Variants in ITGB6 observed in about 807,000 individuals in gnomAD.
ITGB6 encodes integrin beta-6.
In ITGB6, 80 loss-of-function variants were observed where a neutral mutation model predicts 84.5. That is an observed-to-expected ratio of 0.95 (90% confidence interval 0.79 to 1.14). ITGB6 has a LOEUF of 1.14. Among genes scored for constraint, ITGB6 ranks in the 50% most tolerant of loss-of-function variants. The probability of loss-of-function intolerance (pLI) is 0.00; values close to 1 mark genes in which losing one functional copy is unlikely to be tolerated. For missense variants in ITGB6, 1,006 were observed against 968.0 expected (o/e 1.04, Z -0.52); for synonymous variants, 383 against 354.9 (o/e 1.08, Z -0.89).
At position 160,101,760 on chromosome 2, in the gene ITGB6, C is replaced by G. The variant is rs950865306; in HGVS notation, c.2343G>C (p.Lys781Asn). The G allele has an allele frequency of 3.1e-6, 5 of 1,590,054 alleles. No individual in the cohort carries two copies. The highest frequency in any genetic ancestry group is 4.3e-6 in the Non-Finnish European group (5 of 1,158,650). ...TCTAGCAATCTGTGGAAAGGTCTAC[C>G]TTTTGTTTTTCCCTGTGTTTATAAG... ...NVTYKHREKQ[K>N]VDLSTDC The change falls in exon 15 of 15, where the codon AAG (lysine) becomes AAC (asparagine). Residue 781 changes from lysine (K) to asparagine (N), a missense_variant. Coordinates refer to ENST00000283249, the MANE Select transcript of ITGB6 (RefSeq NM_000888.5).
chr2:160,173,806 C>A (rs1041440420), intron 5 of ITGB6, among the ~76,000 whole-genome samples, 168 bp downstream of exon 5: 1 of 152,012 alleles, frequency 6.6e-6, no homozygotes, highest in South Asian at 2.1e-4. Flanking sequence ...CCCATTTCAA[C>A]ATGATTTAAT....
At position 160,137,473 on chromosome 2, in the gene ITGB6, T is replaced by G. The variant is rs1418523966; in HGVS notation, c.1621A>C (p.Asn541His). The G allele has an allele frequency of 1.9e-6, 3 of 1,613,276 alleles. No homozygotes were observed. The East Asian group carries it at 6.7e-5, about 36-fold the overall frequency. ...CCTTTGTGTCTCACGCAGGAGAAATTGTCACACTGGCAATAAGGCCCATAA... is the reference window on the plus strand; with the variant it reads ...CCTTTGTGTCTCACGCAGGAGAAATGGTCACACTGGCAATAAGGCCCATAA... ...NIYGPYCQCD[N>H]FSCVRHKGLL... is the part of the protein sequence containing the mutation. Residue 541 changes from asparagine to histidine, a missense_variant, in exon 10 of 15, where the codon AAT becomes CAT. Transcript: ENST00000283249.
At chr2:160,152,420 A>T (rs1684462467) in intron 7 of ITGB6, among the ~76,000 whole-genome samples, 1 of 152,230 alleles carries the variant, frequency 6.6e-6, no homozygotes, top group Non-Finnish European at 1.5e-5. Flanking sequence ...AAAACTCTCA[A>T]TAAACTAGGT....
chr2:160,148,819 C>G (rs1684293803), intron 7 of ITGB6, among the ~76,000 whole-genome samples: 1 of 152,228 alleles, frequency 6.6e-6, no homozygotes, highest in African/African-American at 2.4e-5. Flanking sequence ...CTAAGTGGCT[C>G]CCACACCCAC....
chr2:160,142,189 G>T (rs1045963246), intron 7 of ITGB6, 118 bp from the exon 8 acceptor site: 2 of 615,484 alleles, frequency 3.2e-6, no homozygotes, highest in Admixed American at 6.4e-5. Context: ...AAACAGGTTC[G>T]TGATAACAAA....
At chr2:160,199,351 A>G in intron 1 of ITGB6, 93 bp from the exon 2 acceptor site, 1 of 912,222 alleles carries the variant, frequency 1.1e-6, no homozygotes, top group Admixed American at 2.0e-5. Context: ...TGAACAAAAC[A>G]ACATCAAAGT....
chr2:160,180,585 C>A (rs1685625264), intron 4 of ITGB6, among the ~76,000 whole-genome samples: 1 of 152,194 alleles, frequency 6.6e-6, no homozygotes, highest in Non-Finnish European at 1.5e-5. Flanking sequence ...TGAGACCTTG[C>A]AGGAGGTCCT....
At chr2:160,154,246 T>C (rs4665160) in intron 7 of ITGB6, among the ~76,000 whole-genome samples, 100,596 of 152,004 alleles carry the variant, frequency 0.66, 33,657 homozygotes, top group Admixed American at 0.74. Flanking sequence ...TGGAATACTA[T>C]GCAGCCATAA....
At chr2:160,118,754 A>C (rs1246343135) in intron 12 of ITGB6, among the ~76,000 whole-genome samples, 2 of 151,054 alleles carry the variant, frequency 1.3e-5, no homozygotes, top group Non-Finnish European at 3.0e-5. Flanking sequence ...GTGATTGTAT[A>C]TCTAGAAAAC....
intron 7 of ITGB6, among the ~76,000 whole-genome samples, chr2:160,157,447 T>G (rs924907676): frequency 6.6e-6 from 1 of 152,278 alleles, no homozygotes; most frequent in Admixed American, 6.5e-5. Context: ...GTTGACTGTA[T>G]AGCCACGGTT....
chr2:160,177,938 T>C (rs1183214898), intron 4 of ITGB6, among the ~76,000 whole-genome samples: 1 of 152,126 alleles, frequency 6.6e-6, no homozygotes, highest in Non-Finnish European at 1.5e-5. Context: ...TGCAGTGGCA[T>C]GATCTCGGCT....
Position 160,192,924 on chromosome 2 carries a change from A to G in ITGB6, c.593+2445T>C, listed in dbSNP as rs747986914. 5.3e-5 allele frequency among the ~76,000 whole-genome samples: 8 copies of G among 152,254 alleles called. No individual in the cohort carries two copies. The South Asian group carries it at 8.3e-4, about 16-fold the overall frequency. On this transcript the variant is annotated intron_variant, in intron 4 of 14. Coordinates refer to ENST00000283249, the MANE Select transcript of ITGB6 (RefSeq NM_000888.5). ...TCATTATTAAGGAGATGCAAATTAA[A>G]GCTACAATGAGATGCTACCCCACAC...
intron 8 of ITGB6, among the ~76,000 whole-genome samples, chr2:160,139,090 G>A (rs1368129305): frequency 2.0e-5 from 3 of 152,084 alleles, no homozygotes; most frequent in African/African-American, 7.2e-5. Context: ...CTATAAGAAT[G>A]CTTTCTTTCC....
intron 12 of ITGB6, among the ~76,000 whole-genome samples, chr2:160,119,686 G>A (rs34499811): frequency 0.67 from 101,154 of 151,462 alleles, 34,156 homozygotes; most frequent in Admixed American, 0.74. Flanking sequence ...TAAACTAAAG[G>A]GCTTCTGCAC....
chr2:160,126,590 A>G lies in ITGB6; in HGVS notation c.1672T>C (p.Cys558Arg). Residue 558 changes from cysteine (C) to arginine (R), a missense_variant, in exon 11 of 15, where the codon TGT (cysteine) becomes CGT (arginine). Physicochemically the swap from Cys to Arg is radical, Grantham distance 180. Coordinates refer to ENST00000283249, the MANE Select transcript of ITGB6 (RefSeq NM_000888.5). ...KGLLCGGNGD[C>R]DCGECVCRSG... ...CTGCACACACATTCACCACAGTCAC[A>G]GTCGCCGTTACCTGTAACACAAAAT... The G allele has an allele frequency of 1.2e-6, 2 of 1,613,038 alleles. No homozygotes were observed. Among genetic ancestry groups the G allele is most frequent in the African/African-American group, 1.3e-5 (1 of 75,020 alleles).
Position 160,199,165 on chromosome 2 carries a change from G to C in ITGB6, c.141+14C>G, listed in dbSNP as rs372097399. The C allele has an allele frequency of 1.4e-4, 221 of 1,604,776 alleles. 1 individual carries two copies. The highest frequency in any genetic ancestry group is 1.8e-4 in the Non-Finnish European group (214 of 1,171,742). ...AGACAGGTTTTAAAAACACATTGAG[G>C]TCATTTATTTTACCTCCTGAGCACA... On this transcript the variant is annotated intron_variant, in intron 2 of 14. Transcript: ENST00000283249.
At chr2:160,186,509 T>G (rs1027247153) in intron 4 of ITGB6, among the ~76,000 whole-genome samples, 2 of 152,208 alleles carry the variant, frequency 1.3e-5, no homozygotes, top group Admixed American at 1.3e-4. Context: ...GCTTTTACAC[T>G]GTTGGTGGGA....
chr2:160,192,633 T>C (rs2105894723), intron 4 of ITGB6, among the ~76,000 whole-genome samples: 2 of 152,220 alleles, frequency 1.3e-5, no homozygotes, highest in Admixed American at 1.3e-4. Context: ...TCATCAAAAT[T>C]ACAAACTTTT....
chr2:160,149,646 A>G (rs1188499443), intron 7 of ITGB6, among the ~76,000 whole-genome samples: 1 of 152,200 alleles, frequency 6.6e-6, no homozygotes, highest in Non-Finnish European at 1.5e-5. Flanking sequence ...GGTCGGTAAT[A>G]GCAGACTTCT....
Sources: gnomAD v4.1 joint callset for allele counts (sites outside exome capture counted in the v4.1 genomes callset) on GRCh38, gnomAD v4.1.1 for gene constraint, MANE v1.5 for transcripts, NCBI Gene and HGNC (gene_info 2026-07-23, HGNC 2026-07-21) for gene names.